The following PPFIA2 variants were observed in gnomAD, a reference collection of about 807,000 sequenced individuals.
The protein encoded by PPFIA2 is liprin-alpha-2.
PPFIA2 carries 46 observed loss-of-function variants against 175.5 expected under a neutral mutation model. The observed-to-expected ratio is 0.26, with a 90% CI of 0.21 to 0.34. The LOEUF (loss-of-function observed/expected upper bound fraction) is 0.34. PPFIA2 is among the 10% of genes least tolerant of loss of function. The pLI, the probability that PPFIA2 is intolerant of heterozygous loss-of-function variation, is 1.00. For missense variants in PPFIA2, 1,179 were observed against 1,506.1 expected, an observed-to-expected ratio of 0.78 and a Z score of 3.60; for synonymous variants, 568 against 511.4, an observed-to-expected ratio of 1.11 and a Z score of -1.49.
intron 7 of PPFIA2, among the ~76,000 whole-genome samples, chr12:81,429,639 C>T (rs1294290624): frequency 1.3e-5 from 2 of 151,966 alleles, no homozygotes; most frequent in Non-Finnish European, 1.5e-5. Context: ...AATTTTTACC[C>T]GTGTCAAATT....
At chr12:81,562,655 G>A (rs1376365993) in intron 4 of PPFIA2, among the ~76,000 whole-genome samples, 1 of 151,014 alleles carries the variant, frequency 6.6e-6, no homozygotes, top group East Asian at 1.9e-4. Context: ...AGACCATCCC[G>A]GCTAAAACGG....
chr12:81,339,380 C>A (rs1373264206), intron 20 of PPFIA2, 46 bp from the exon 21 acceptor site: 3 of 1,406,420 alleles, frequency 2.1e-6, no homozygotes, highest in Non-Finnish European at 9.4e-7. Context: ...CCACAAGGTA[C>A]ACAAAAGTCA....
At chr12:81,626,290 C>T (rs921959331) in intron 4 of PPFIA2, among the ~76,000 whole-genome samples, 5 of 151,808 alleles carry the variant, frequency 3.3e-5, no homozygotes, top group Non-Finnish European at 2.9e-5. Flanking sequence ...AAACTATTTT[C>T]AAGCTTTTTA....
At chr12:81,508,137 G>A (rs937157942) in intron 4 of PPFIA2, among the ~76,000 whole-genome samples, 5 of 152,032 alleles carry the variant, frequency 3.3e-5, no homozygotes, top group Non-Finnish European at 5.9e-5. Context: ...ATATATGTAT[G>A]CTTCTTCATC....
At chr12:81,533,457 A>G (rs1297149884) in intron 4 of PPFIA2, among the ~76,000 whole-genome samples, 1 of 151,566 alleles carries the variant, frequency 6.6e-6, no homozygotes, top group African/African-American at 2.4e-5. Flanking sequence ...ATTTATGCCA[A>G]ATTAAGTGCT....
intron 4 of PPFIA2, among the ~76,000 whole-genome samples, chr12:81,548,694 A>C (rs1000052222): frequency 6.6e-6 from 1 of 152,088 alleles, no homozygotes. Flanking sequence ...CAAAAGCCTC[A>C]TTTATAATAT....
intron 7 of PPFIA2, chr12:81,430,524 A>ACTCTCTCTCTCTCT (rs10570346): frequency 4.7e-5 from 6 of 127,582 alleles, no homozygotes; most frequent in African/African-American, 1.7e-4. Context: ...TATGCTTAAA[A>ACTCTCTCTCTCTCT]CTCTCTCTCT....
At position 81,553,020 on chromosome 12, in the gene PPFIA2, A is replaced by AT. The variant is rs144772991; in HGVS notation, c.304-95155dup. Among the ~76,000 whole-genome samples, 1,392 of 151,526 alleles carry AT rather than the reference A, an allele frequency of 9.2e-3. 11 individuals carry two copies. Among genetic ancestry groups the AT allele is most frequent in the African/African-American group, 0.013 (532 of 41,322 alleles). On this transcript the variant is annotated intron_variant, in intron 4 of 32. Transcript: ENST00000549396. ...CTGAGGACACAGAAATCAAAGACCG[A>AT]TTTTTTTTTCCCCCTAATGAAAGAG...
chr12:81,683,312 T>C (rs1358020599), intron 3 of PPFIA2, among the ~76,000 whole-genome samples: 1 of 149,338 alleles, frequency 6.7e-6, no homozygotes, highest in Non-Finnish European at 1.5e-5. Context: ...TCCCTTGTAC[T>C]ATATCAATAA....
At chr12:81,483,148 G>A (rs890249714) in intron 4 of PPFIA2, among the ~76,000 whole-genome samples, 21 of 152,178 alleles carry the variant, frequency 1.4e-4, no homozygotes, top group African/African-American at 3.4e-4. Flanking sequence ...GAAAAATAGC[G>A]TAGAATTTAT....
chr12:81,529,251 G>C (rs976849875), intron 4 of PPFIA2, among the ~76,000 whole-genome samples: 2 of 151,922 alleles, frequency 1.3e-5, no homozygotes, highest in Non-Finnish European at 2.9e-5. Flanking sequence ...GTTACATAAA[G>C]ATATAAGCCA....
At chr12:81,633,305 G>A (rs11114951) in intron 4 of PPFIA2, among the ~76,000 whole-genome samples, 9,548 of 152,150 alleles carry the variant, frequency 0.063, 438 homozygotes, top group East Asian at 0.25. Flanking sequence ...GCTTAGGGAT[G>A]ACTAGACAGA....
chr12:81,428,760 T>A (rs2047586437), intron 7 of PPFIA2, among the ~76,000 whole-genome samples: 1 of 152,002 alleles, frequency 6.6e-6, no homozygotes, highest in Non-Finnish European at 1.5e-5. Flanking sequence ...ATCTATACAA[T>A]CTTCTAACCA....
At chr12:81,439,410 T>G (rs1441424887) in intron 7 of PPFIA2, among the ~76,000 whole-genome samples, 15 of 151,942 alleles carry the variant, frequency 9.9e-5, no homozygotes, top group Admixed American at 8.5e-4. Context: ...CCAAGATAAT[T>G]TGTGCGTTAA....
intron 4 of PPFIA2, among the ~76,000 whole-genome samples, chr12:81,594,541 T>C (rs1452845063): frequency 6.6e-6 from 1 of 152,162 alleles, no homozygotes; most frequent in African/African-American, 2.4e-5. Flanking sequence ...AACACACTGT[T>C]GTTATTTATG....
At chr12:81,536,426 C>G (rs529513200) in intron 4 of PPFIA2, among the ~76,000 whole-genome samples, 22 of 151,330 alleles carry the variant, frequency 1.5e-4, no homozygotes, top group African/African-American at 5.3e-4. Context: ...AAATGCCACA[C>G]TAAGAAATAT....
chr12:81,292,050 T>C (rs528977752), intron 24 of PPFIA2, among the ~76,000 whole-genome samples: 1 of 152,212 alleles, frequency 6.6e-6, no homozygotes, highest in South Asian at 2.1e-4. Context: ...TTTAGAAAAA[T>C]GGTTTTAAAA....
At chr12:81,557,181 T>A (rs1213616244) in intron 4 of PPFIA2, among the ~76,000 whole-genome samples, 3 of 144,072 alleles carry the variant, frequency 2.1e-5, no homozygotes, top group Non-Finnish European at 4.6e-5. Context: ...AGGACAGATA[T>A]AGATCTTATA....
At chr12:81,369,386 C>A in intron 11 of PPFIA2, 192 bp from the exon 12 acceptor site, 2 of 1,432,652 alleles carry the variant, frequency 1.4e-6, no homozygotes, top group South Asian at 1.3e-5. Context: ...CTGTTACATC[C>A]AAGCATCAGC....
Sources: gnomAD v4.1 joint callset for allele counts (sites outside exome capture counted in the v4.1 genomes callset) on GRCh38, gnomAD v4.1.1 for gene constraint, MANE v1.5 for transcripts, NCBI Gene and HGNC (gene_info 2026-07-23, HGNC 2026-07-21) for gene names.